NANS: variants seen among roughly 807,000 people sequenced by gnomAD.
NANS encodes N-acetylneuraminate-9-phosphate synthase.
In NANS, 29 loss-of-function variants were observed where a neutral mutation model predicts 33.3. The observed-to-expected ratio is 0.87, with a 90% CI of 0.65 to 1.19. The LOEUF is 1.19. NANS is among the 50% of genes most tolerant of loss of function. The probability of loss-of-function intolerance (pLI) is 0.00; values close to 1 mark genes in which losing one functional copy is unlikely to be tolerated. For missense variants in NANS, 394 were observed against 461.1 expected, an observed-to-expected ratio of 0.85 and a Z score of 1.33; for synonymous variants, 163 against 177.2, an observed-to-expected ratio of 0.92 and a Z score of 0.64.
chr9:98,058,865 G>A (rs1828896798), intron 1 of NANS, among the ~76,000 whole-genome samples: 1 of 152,066 alleles, frequency 6.6e-6, no homozygotes, highest in African/African-American at 2.4e-5. Context: ...TCTGGGCCTT[G>A]GGATCTTCAT....
chr9:98,072,773 G>C (rs539348705), intron 2 of NANS, among the ~76,000 whole-genome samples: 1 of 152,274 alleles, frequency 6.6e-6, no homozygotes, highest in East Asian at 1.9e-4. Flanking sequence ...CAAACTGTTG[G>C]AGGTAGATTG....
Position 98,064,545 on chromosome 9 carries a change from C to T in NANS, c.348+3548C>T, listed in dbSNP as rs946054118. On this transcript the variant is annotated intron_variant, in intron 2 of 5. Coordinates refer to ENST00000210444, the MANE Select transcript of NANS (RefSeq NM_018946.4). ...TTCTGGGATTACAGGTGTAAGCCAC[C>T]GCACCCGCCCTAATTCCCTACTTTT... is the stretch of plus-strand genomic sequence containing the variant. Among the ~76,000 whole-genome samples, 5 of 152,092 alleles carry T rather than the reference C, an allele frequency of 3.3e-5. No individual in the cohort carries two copies. The South Asian group carries it at 6.2e-4, about 19-fold the overall frequency.
chr9:98,056,991 G>A, intron 1 of NANS, 51 bp downstream of exon 1: 1 of 1,501,662 alleles, frequency 6.7e-7, no homozygotes, highest in Admixed American at 2.1e-5. Flanking sequence ...GAGGGGCGGG[G>A]CGGGGCCGCG....
intron 2 of NANS, among the ~76,000 whole-genome samples, chr9:98,072,182 T>C (rs1297079496): frequency 2.0e-5 from 3 of 152,142 alleles, no homozygotes; most frequent in African/African-American, 7.2e-5. Context: ...AAAACAGGAT[T>C]GTTAAGATGC....
At chr9:98,079,749 C>T (rs1829767907) in intron 4 of NANS, among the ~76,000 whole-genome samples, 1 of 152,204 alleles carries the variant, frequency 6.6e-6, no homozygotes. Flanking sequence ...GTCATGTCCT[C>T]TCTCTTGACA....
At chr9:98,071,741 A>G (rs1313541726) in intron 2 of NANS, among the ~76,000 whole-genome samples, 1 of 152,090 alleles carries the variant, frequency 6.6e-6, no homozygotes, top group African/African-American at 2.4e-5. Flanking sequence ...GGTTCTCTCT[A>G]TTCTGATGTC....
In NANS at chr9:98,076,970, C is replaced by G; in HGVS notation, c.401C>G (p.Ser134Cys). Residue 134 changes from serine (S) to cysteine (C), a missense_variant, in exon 3 of 6, where the codon TCT becomes TGT. Ser to Cys is a moderately radical substitution (Grantham distance 112). Transcript: ENST00000210444. Reference sequence around the variant, plus strand: ...AATGTTCCATTTTTCAAAGTTGGATCTGGAGACACTAATAATTTTCCTTAT... The same window carrying G: ...AATGTTCCATTTTTCAAAGTTGGATGTGGAGACACTAATAATTTTCCTTAT... ...ELNVPFFKVG[S>C]GDTNNFPYLE... 1 of 1,611,558 alleles carries G rather than the reference C, an allele frequency of 6.2e-7. No individual in the cohort carries two copies. The highest frequency in any genetic ancestry group is 8.5e-7 in the Non-Finnish European group (1 of 1,179,296).
At chr9:98,059,963 T>G (rs1031587697) in intron 1 of NANS, among the ~76,000 whole-genome samples, 2 of 152,210 alleles carry the variant, frequency 1.3e-5, no homozygotes, top group Non-Finnish European at 2.9e-5. Flanking sequence ...TTCCTGTCCC[T>G]GAGAGGGCCT....
At chr9:98,074,557 A>C (rs896899618) in intron 2 of NANS, 2 of 152,164 alleles carry the variant, frequency 1.3e-5, no homozygotes, top group African/African-American at 4.8e-5. Context: ...AGTTTTCTAA[A>C]TGTCCACTGG....
intron 4 of NANS, 136 bp from the exon 5 acceptor site, chr9:98,080,680 G>T: frequency 1.1e-6 from 1 of 907,130 alleles, no homozygotes; most frequent in East Asian, 2.7e-5. Flanking sequence ...GAGAGGCTCA[G>T]AGAGCCTCAG....
At chr9:98,059,247 TCTC>T (rs1828907659) in intron 1 of NANS, among the ~76,000 whole-genome samples, 1 of 152,070 alleles carries the variant, frequency 6.6e-6, no homozygotes. Flanking sequence ...ATGGTCTCGA[TCTC>T]CTGACCTCGT....
chr9:98,075,542 A>C (rs1331479825), intron 2 of NANS: 1 of 152,106 alleles, frequency 6.6e-6, no homozygotes, highest in Non-Finnish European at 1.5e-5. Flanking sequence ...TCGGTCCTAG[A>C]CCAATCAGAG....
intron 2 of NANS, among the ~76,000 whole-genome samples, chr9:98,063,991 C>T (rs564280789): frequency 7.2e-5 from 11 of 152,086 alleles, no homozygotes; most frequent in African/African-American, 2.2e-4. Flanking sequence ...TTTGGTCAAC[C>T]AGGTTATTTG....
At chr9:98,067,991 G>A (rs572142064) in intron 2 of NANS, among the ~76,000 whole-genome samples, 1 of 152,150 alleles carries the variant, frequency 6.6e-6, no homozygotes, top group East Asian at 1.9e-4. Context: ...CAAAGTGCTG[G>A]GATTACAGGC....
In NANS at chr9:98,078,212, C is replaced by T. The variant is rs1416639476; in HGVS notation, c.468C>T (p.Ser156=). 2.5e-6 allele frequency: 4 copies of T among 1,614,206 alleles called. No homozygotes were observed. Among genetic ancestry groups the T allele is most frequent in the African/African-American group, 1.3e-5 (1 of 75,054 alleles). Residue 156 remains serine, a synonymous_variant, in exon 4 of 6, where the codon TCC becomes TCT. Transcript: ENST00000210444. ...TAKKGRPMVI[S]SGMQSMDTMK... Reference sequence around the variant, plus strand: ...ACTCAGGTCGCCCAATGGTGATCTCCAGTGGGATGCAGTCAATGGACACCA... The same window carrying T: ...ACTCAGGTCGCCCAATGGTGATCTCTAGTGGGATGCAGTCAATGGACACCA...
chr9:98,060,837 A>G lies in NANS; in HGVS notation c.188A>G (p.Asn63Ser), dbSNP rs759008701. 6.2e-7 allele frequency: 1 copy of G among 1,614,192 alleles called. No individual in the cohort carries two copies. The highest frequency in any genetic ancestry group is 2.2e-5 in the East Asian group (1 of 44,882). The change falls in exon 2 of 6, where the codon AAT (asparagine) becomes AGT (serine). Residue 63 changes from asparagine to serine, a missense_variant. By Grantham distance (46) the Asn-to-Ser change is conservative. Transcript: ENST00000210444. The part of the protein sequence containing the change: ...FQKSELEFKF[N>S]RKALERPYTS... Reference sequence around the variant, plus strand: ...AAGAGTGAGCTAGAATTCAAGTTTAATCGGAAAGCCTTGGAGAGGCCATAC... The same window carrying G: ...AAGAGTGAGCTAGAATTCAAGTTTAGTCGGAAAGCCTTGGAGAGGCCATAC...
intron 2 of NANS, among the ~76,000 whole-genome samples, chr9:98,070,499 C>T: frequency 6.6e-6 from 1 of 152,090 alleles, no homozygotes; most frequent in East Asian, 1.9e-4. Flanking sequence ...TGGCTCACTG[C>T]AACTTCTGCC....
intron 2 of NANS, among the ~76,000 whole-genome samples, chr9:98,062,663 AC>A (rs1157386302): frequency 2.0e-5 from 3 of 151,956 alleles, no homozygotes; most frequent in Non-Finnish European, 4.4e-5. Flanking sequence ...TATAGCACAA[AC>A]TTTTACCCCA....
At chr9:98,075,886 A>C (rs897791521) in intron 2 of NANS, 1 of 152,198 alleles carries the variant, frequency 6.6e-6, no homozygotes, top group African/African-American at 2.4e-5. Context: ...TTGAGTTCTT[A>C]TAATTTGACA....
Sources: allele counts gnomAD v4.1 joint callset (sites outside exome capture counted in the v4.1 genomes callset), GRCh38; gene constraint gnomAD v4.1.1; transcripts MANE v1.5; gene names NCBI Gene and HGNC (gene_info 2026-07-23, HGNC 2026-07-21).